Variants in IPO8 observed in about 807,000 individuals in gnomAD.
IPO8 encodes the protein importin 8.
Under a neutral mutation model 141.2 loss-of-function variants are expected in IPO8, and 65 were observed. That is an observed-to-expected ratio of 0.46 (90% CI 0.38 to 0.57). The LOEUF (loss-of-function observed/expected upper bound fraction) is 0.57, where lower values mean the gene tolerates loss of function less well. Among genes scored for constraint, IPO8 ranks in the 20% least tolerant of loss-of-function variants. The pLI is 0.00. For synonymous variants in IPO8, 411 were observed against 420.3 expected, an observed-to-expected ratio of 0.98 and a Z score of 0.27; for missense variants, 980 against 1,246.8, an observed-to-expected ratio of 0.79 and a Z score of 3.22.
intron 20 of IPO8, among the ~76,000 whole-genome samples, chr12:30,646,843 C>T (rs1307794454): frequency 6.6e-6 from 1 of 151,966 alleles, no homozygotes; most frequent in Non-Finnish European, 1.5e-5. Flanking sequence ...AGAAAGTCAC[C>T]CCACGTTCAG....
chr12:30,694,876 CT>C, intron 1 of IPO8: 1 of 404,926 alleles, frequency 2.5e-6, no homozygotes, highest in South Asian at 1.8e-5. Flanking sequence ...GGGGGTAACG[CT>C]GGAAAGACGT....
At position 30,687,322 on chromosome 12, in the gene IPO8, G is replaced by C. The variant is rs1469775025; in HGVS notation, c.167-2865C>G. Reference sequence around the variant, plus strand: ...TCTATGATAAAAATGGCTGCTCTAAGACAGTTTTCCTACAAAATCCACTCA... The same window carrying C: ...TCTATGATAAAAATGGCTGCTCTAACACAGTTTTCCTACAAAATCCACTCA... On this transcript the variant is annotated intron_variant, in intron 2 of 24. Transcript: ENST00000256079. Among the ~76,000 whole-genome samples, 5 of 152,304 alleles carry C rather than the reference G, an allele frequency of 3.3e-5. No homozygotes were observed. The East Asian group carries it at 9.6e-4, about 29-fold the overall frequency.
intron 20 of IPO8, among the ~76,000 whole-genome samples, chr12:30,643,971 T>C (rs1039646920): frequency 6.6e-6 from 1 of 152,228 alleles, no homozygotes; most frequent in Non-Finnish European, 1.5e-5. Flanking sequence ...CACTCATGTC[T>C]TGTGCTTTAC....
intron 9 of IPO8, among the ~76,000 whole-genome samples, chr12:30,670,213 ATCTGTTGGTAAGAC>A (rs1332055614): frequency 2.0e-5 from 3 of 152,234 alleles, no homozygotes; most frequent in Non-Finnish European, 2.9e-5. Context: ...AAGAAAAGAT[ATCTGTTGGTAAGAC>A]GGGTAATAAC....
At chr12:30,664,244 T>C (rs2052929827) in intron 13 of IPO8, among the ~76,000 whole-genome samples, 1 of 152,176 alleles carries the variant, frequency 6.6e-6, no homozygotes, top group Non-Finnish European at 1.5e-5. Context: ...TTCTCAAAGG[T>C]AGGAGCCCCA....
chr12:30,658,876 C>CTTTT (rs11337753), intron 16 of IPO8, among the ~76,000 whole-genome samples: 9 of 90,200 alleles, frequency 1.0e-4, no homozygotes, highest in Non-Finnish European at 1.0e-4. Context: ...AGTATCAAGC[C>CTTTT]TTTTTTTTTT....
intron 3 of IPO8, among the ~76,000 whole-genome samples, chr12:30,683,535 TCTC>T (rs979273524): frequency 1.1e-4 from 16 of 152,208 alleles, no homozygotes; most frequent in African/African-American, 3.9e-4. Flanking sequence ...AGAATTTGTT[TCTC>T]CTATTTTAAG....
chr12:30,692,001 A>G (rs1345746616), intron 1 of IPO8, among the ~76,000 whole-genome samples: 1 of 152,222 alleles, frequency 6.6e-6, no homozygotes, highest in African/African-American at 2.4e-5. Context: ...AGTTTTTAAG[A>G]AAACAGATTT....
intron 19 of IPO8, 41 bp downstream of exon 19, chr12:30,652,151 T>G (rs749746939): frequency 8.8e-7 from 1 of 1,136,974 alleles, no homozygotes; most frequent in South Asian, 1.3e-5. Context: ...AGGCAAACAT[T>G]AGTTAAGAAC....
chr12:30,664,124 G>A (rs1248578080), intron 13 of IPO8, among the ~76,000 whole-genome samples: 2 of 151,872 alleles, frequency 1.3e-5, no homozygotes, highest in Non-Finnish European at 1.5e-5. Flanking sequence ...TTAACTATTA[G>A]ACCACAGAAT....
intron 2 of IPO8, 69 bp from the exon 3 acceptor site, chr12:30,684,526 A>C (rs2053221015): frequency 1.3e-6 from 2 of 1,483,134 alleles, no homozygotes; most frequent in African/African-American, 2.8e-5. Flanking sequence ...CTTACAGAGC[A>C]TGAAAGTCCA....
At chr12:30,674,383 G>A (rs2053090886) in intron 7 of IPO8, among the ~76,000 whole-genome samples, 1 of 152,038 alleles carries the variant, frequency 6.6e-6, no homozygotes, top group Admixed American at 6.6e-5. Context: ...AATTAAATTT[G>A]ACATTATTAC....
chr12:30,652,308 C>T lies in IPO8; in HGVS notation c.2075-19G>A, dbSNP rs201399797. On this transcript the variant is annotated intron_variant, in intron 18 of 24. Coordinates refer to ENST00000256079, the MANE Select transcript of IPO8 (RefSeq NM_006390.4). ...ATCATGTCTGAAAAAAAATCAAAAT[C>T]CCAATGAGACTTGAGTGACAGAAAT... 9 of 1,350,312 alleles carry T rather than the reference C, an allele frequency of 6.7e-6. No homozygotes were observed. In the East Asian group the frequency reaches 1.8e-4, roughly 28 times the overall value. The allele number at this position is 1,350,312 out of a possible 1,614,324, so 83.6% of individuals were successfully genotyped here. A position where few individuals can be genotyped will look rare whatever the true frequency, so the allele number is the denominator to read the frequency against.
At chr12:30,669,005 C>A (rs2136156728) in intron 10 of IPO8, among the ~76,000 whole-genome samples, 178 bp downstream of exon 10, 1 of 152,300 alleles carries the variant, frequency 6.6e-6, no homozygotes, top group East Asian at 1.9e-4. Context: ...CCACATCCGA[C>A]AATCTCCAGT....
At chr12:30,659,570 G>A (rs767393620) in intron 16 of IPO8, among the ~76,000 whole-genome samples, 9 of 151,456 alleles carry the variant, frequency 5.9e-5, no homozygotes, top group South Asian at 2.1e-4. Flanking sequence ...CAACAGCTAC[G>A]GCTGGGCACG....
At position 30,637,106 on chromosome 12, in the gene IPO8, C is replaced by T. The variant is rs1217086413; in HGVS notation, c.2571G>A (p.Val857=). Residue 857 remains valine (V), a synonymous_variant, in exon 22 of 25, where the codon GTG becomes GTA. Coordinates refer to ENST00000256079, the MANE Select transcript of IPO8 (RefSeq NM_006390.4). The part of the protein sequence containing the change: ...LQNRPPAVDA[V]VGQIVPSILF... ...GAATTGAGGGAACAATCTGTCCCAC[C>T]ACAGCATCTACTGCAGGAGGTCGAT... is the stretch of plus-strand genomic sequence containing the variant. 1.9e-6 allele frequency: 3 copies of T among 1,613,796 alleles called. No individual in the cohort carries two copies. The highest frequency in any genetic ancestry group is 2.7e-5 in the African/African-American group (2 of 74,868).
At position 30,695,529 on chromosome 12, in the gene IPO8, C is replaced by T. The variant is rs1469199979; in HGVS notation, c.84+35G>A. ...CGGCCAGCCGGCAGGGGCGCCCCTT[C>T]GGCGGAAGAGGGTCGCCGAAGACCC... is the stretch of plus-strand genomic sequence containing the variant. On this transcript the variant is annotated intron_variant, in intron 1 of 24. Transcript: ENST00000256079. The surrounding 1 kb of genome is among the most constrained non-coding windows in gnomAD (Gnocchi z 4.2). 1.3e-6 allele frequency: 2 copies of T among 1,593,940 alleles called. No individual in the cohort carries two copies. Among genetic ancestry groups the T allele is most frequent in the Non-Finnish European group, 1.7e-6 (2 of 1,163,088 alleles).
intron 19 of IPO8, among the ~76,000 whole-genome samples, chr12:30,651,131 C>T (rs2052721355): frequency 6.6e-6 from 1 of 152,042 alleles, no homozygotes; most frequent in South Asian, 2.1e-4. Context: ...TAATGGAATA[C>T]ACAGAACTGT....
At position 30,663,484 on chromosome 12, in the gene IPO8, T is replaced by C; in HGVS notation, c.1594+5A>G. 1 of 1,604,192 alleles carries C rather than the reference T, an allele frequency of 6.2e-7. No homozygotes were observed. ...GAAGATGTCTAAAAGGTATTTTGGC[T>C]TTACCTTGTATCTGGTTAGAAATTA... is the stretch of plus-strand genomic sequence containing the variant. On this transcript the variant is annotated splice_donor_5th_base_variant and intron_variant, in intron 14 of 24. Transcript: ENST00000256079.
Sources: gnomAD v4.1 joint callset for allele counts (sites outside exome capture counted in the v4.1 genomes callset) on GRCh38, gnomAD v4.1.1 for gene constraint, Gnocchi (gnomAD v3.1) non-coding constraint, MANE v1.5 for transcripts, NCBI Gene and HGNC (gene_info 2026-07-23, HGNC 2026-07-21) for gene names.